The following PLA2R1 variants were observed in gnomAD, a reference collection of about 807,000 sequenced individuals.
PLA2R1 encodes secretory phospholipase A2 receptor.
A neutral mutation model predicts 195.9 loss-of-function variants in PLA2R1; 158 were observed. The observed-to-expected ratio is 0.81, with a 90% CI of 0.71 to 0.92. PLA2R1 has a LOEUF of 0.92. Among genes scored for constraint, PLA2R1 ranks in the 40% least tolerant of loss-of-function variants. The probability of loss-of-function intolerance (pLI) is 0.00; values close to 1 mark genes in which losing one functional copy is unlikely to be tolerated. For missense variants in PLA2R1, 1,626 were observed against 1,764.6 expected (o/e 0.92, Z 1.41); for synonymous variants, 586 against 598.2 (o/e 0.98, Z 0.30).
intron 15 of PLA2R1, among the ~76,000 whole-genome samples, chr2:159,977,005 T>C (rs1156314007): frequency 2.0e-5 from 3 of 152,224 alleles, no homozygotes; most frequent in East Asian, 1.9e-4. Flanking sequence ...AGTAATTCCA[T>C]TTGCTCTGTA....
chr2:159,947,858 A>G lies in PLA2R1; in HGVS notation c.3710-299T>C, dbSNP rs1687483089. ...CTTTCATGTTTACAATTAGCATCCT[A>G]AAGGTTGGAACAAGCAGGGGCTATG... On this transcript the variant is annotated intron_variant, in intron 25 of 29. Coordinates refer to ENST00000283243, the MANE Select transcript of PLA2R1 (RefSeq NM_007366.5). 4.6e-5 allele frequency among the ~76,000 whole-genome samples: 7 copies of G among 151,862 alleles called. 1 individual carries two copies. The South Asian group carries it at 1.5e-3, about 32-fold the overall frequency.
intron 12 of PLA2R1, among the ~76,000 whole-genome samples, chr2:159,985,344 C>T (rs1439224889): frequency 6.6e-6 from 1 of 152,230 alleles, no homozygotes; most frequent in Non-Finnish European, 1.5e-5. Flanking sequence ...GAGATAGAGT[C>T]TGTCTTCATT....
intron 1 of PLA2R1, among the ~76,000 whole-genome samples, chr2:160,045,564 A>G (rs985443004): frequency 4.6e-5 from 7 of 152,212 alleles, no homozygotes; most frequent in African/African-American, 1.7e-4. Flanking sequence ...TTCTCAGACA[A>G]GTGCCTGAAT....
At chr2:159,955,498 C>T (rs534181223) in intron 22 of PLA2R1, 152 bp from the exon 23 acceptor site, 1 of 530,056 alleles carries the variant, frequency 1.9e-6, no homozygotes, top group Non-Finnish European at 3.1e-6. Context: ...TCATAACCTA[C>T]AAAATAAACA....
At chr2:159,990,593 C>G (rs1690704740) in intron 11 of PLA2R1, among the ~76,000 whole-genome samples, 1 of 152,202 alleles carries the variant, frequency 6.6e-6, no homozygotes. Context: ...GTCCTCTACC[C>G]TCTCACCTTC....
At chr2:159,931,414 G>A (rs1686583518), downstream of PLA2R1, among the ~76,000 whole-genome samples, 1 of 152,086 alleles carries the variant, frequency 6.6e-6, no homozygotes, top group South Asian at 2.1e-4. Flanking sequence ...TGTGCCTGCG[G>A]GCCCAGCTAC....
chr2:159,983,609 T>C (rs191379463), intron 13 of PLA2R1, among the ~76,000 whole-genome samples: 2 of 152,260 alleles, frequency 1.3e-5, no homozygotes, highest in East Asian at 3.9e-4. Flanking sequence ...TCCAGGATTC[T>C]TGGGATCCTT....
intron 1 of PLA2R1, among the ~76,000 whole-genome samples, chr2:160,047,930 A>T (rs1267147419): frequency 6.6e-6 from 1 of 152,160 alleles, no homozygotes; most frequent in Non-Finnish European, 1.5e-5. Context: ...GGCTCAACTG[A>T]TCCTCCCATC....
rs774610394 is a variant in PLA2R1, at chr2:160,022,758, C to T, written c.1201G>A (p.Glu401Lys). The T allele has an allele frequency of 1.9e-6, 3 of 1,613,646 alleles. No individual in the cohort carries two copies. Among genetic ancestry groups the T allele is most frequent in the South Asian group, 1.1e-5 (1 of 91,066 alleles). ...KLQKEEKTWH[E>K]ALRSCQADNS... Reference sequence around the variant, plus strand: ...TCAGCCTGACAAGAACGCAGAGCCTCATGCCAGGTCTTTTCTTCTTTCTGA... The same window carrying T: ...TCAGCCTGACAAGAACGCAGAGCCTTATGCCAGGTCTTTTCTTCTTTCTGA... The change falls in exon 7 of 30, where the codon GAG becomes AAG. Residue 401 changes from glutamate to lysine, a missense_variant. Coordinates refer to ENST00000283243, the MANE Select transcript of PLA2R1 (RefSeq NM_007366.5).
intron 10 of PLA2R1, among the ~76,000 whole-genome samples, chr2:160,012,907 G>C (rs1424288122): frequency 6.6e-6 from 1 of 151,634 alleles, no homozygotes; most frequent in Non-Finnish European, 1.5e-5. Flanking sequence ...GCAAGATTCT[G>C]TCTCAAAAAA....
intron 1 of PLA2R1, among the ~76,000 whole-genome samples, chr2:160,045,926 TG>T (rs1694834535): frequency 6.6e-6 from 1 of 152,146 alleles, no homozygotes; most frequent in Non-Finnish European, 1.5e-5. Context: ...GCAGGTGTTT[TG>T]TGATATGCCC....
chr2:159,977,453 TC>T, intron 14 of PLA2R1, 37 bp from the exon 15 acceptor site: 1 of 1,603,094 alleles, frequency 6.2e-7, no homozygotes, highest in Non-Finnish European at 8.5e-7. Context: ...TTAATGATGA[TC>T]CCCCCACAAA....
At chr2:159,990,769 C>T (rs1558869284) in intron 11 of PLA2R1, among the ~76,000 whole-genome samples, 1 of 152,132 alleles carries the variant, frequency 6.6e-6, no homozygotes, top group East Asian at 1.9e-4. Flanking sequence ...GGCATTAGTG[C>T]CTGATTATGC....
Position 159,987,269 on chromosome 2 carries a change from AG to A in PLA2R1, c.1923del (p.Leu642CysfsTer46), listed in dbSNP as rs1236281064. ...VKHCRHFKAM[S>X]LCKQPVENQE... Reference sequence around the variant, plus strand: ...TGATTTTCAACTGGCTGCTTGCACAAGGACATTGCCTTAAAGTGCCGACAGT... The same window carrying A: ...TGATTTTCAACTGGCTGCTTGCACAAGACATTGCCTTAAAGTGCCGACAGT... On this transcript the variant is annotated frameshift_variant, in exon 12 of 30. Coordinates refer to ENST00000283243, the MANE Select transcript of PLA2R1 (RefSeq NM_007366.5). LOFTEE classifies it high-confidence loss of function. 24 of 1,613,322 alleles carry A rather than the reference AG, an allele frequency of 1.5e-5. No individual in the cohort carries two copies. Among genetic ancestry groups the A allele is most frequent in the Non-Finnish European group, 1.9e-5 (23 of 1,179,892 alleles).
chr2:159,979,619 C>T (rs1689808968), intron 14 of PLA2R1, among the ~76,000 whole-genome samples: 1 of 152,088 alleles, frequency 6.6e-6, no homozygotes, highest in African/African-American at 2.4e-5. Context: ...GATACTTTTT[C>T]AGGCTGAAAT....
At position 159,955,334 on chromosome 2, in the gene PLA2R1, T is replaced by C. The variant is rs1688015374; in HGVS notation, c.3166A>G (p.Asn1056Asp). ...PFDIINIPSH[N>D]TTEVQKHIPL... ...ATGTGTTTCTGAACTTCAGTGGTAT[T>C]GTGACTTGGAATCTTTAAAATAATA... The change falls in exon 23 of 30, where the codon AAT (asparagine) becomes GAT (aspartate). Residue 1056 changes from asparagine (N) to aspartate (D), a missense_variant. Transcript: ENST00000283243. 1.9e-6 allele frequency: 3 copies of C among 1,595,330 alleles called. No homozygotes were observed. The highest frequency in any genetic ancestry group is 1.7e-5 in the Admixed American group (1 of 59,230).
At chr2:160,036,684 A>G (rs1179259480) in intron 3 of PLA2R1, among the ~76,000 whole-genome samples, 1 of 152,184 alleles carries the variant, frequency 6.6e-6, no homozygotes, top group African/African-American at 2.4e-5. Context: ...AAGGAGGGGA[A>G]TCTTGAAGAC....
At chr2:160,031,843 C>A (rs561043176) in intron 4 of PLA2R1, among the ~76,000 whole-genome samples, 1 of 152,130 alleles carries the variant, frequency 6.6e-6, no homozygotes, top group South Asian at 2.1e-4. Context: ...CTTGGCTCAC[C>A]GCATCCTCCA....
chr2:159,956,317 A>G (rs1343429865), intron 21 of PLA2R1, among the ~76,000 whole-genome samples, 193 bp downstream of exon 21: 3 of 152,218 alleles, frequency 2.0e-5, no homozygotes, highest in Non-Finnish European at 4.4e-5. Context: ...GCAGTTTATA[A>G]GCAATGCAGT....
Sources: gnomAD v4.1 joint callset for allele counts (sites outside exome capture counted in the v4.1 genomes callset) on GRCh38, gnomAD v4.1.1 for gene constraint, MANE v1.5 for transcripts, NCBI Gene and HGNC (gene_info 2026-07-23, HGNC 2026-07-21) for gene names.